Variants in EGFL6 observed in about 807,000 individuals in gnomAD.
EGFL6 encodes epidermal growth factor-like protein 6.
Under a neutral mutation model 43.1 loss-of-function variants are expected in EGFL6, and 42 were observed. That is an observed-to-expected ratio of 0.98 (90% CI 0.76 to 1.26). EGFL6 has a LOEUF of 1.26. Among genes scored for constraint, EGFL6 ranks in the 50% most tolerant of loss-of-function variants. The pLI, the probability that EGFL6 is intolerant of heterozygous loss-of-function variation, is 0.00. For synonymous variants in EGFL6, 164 were observed against 163.2 expected, an observed-to-expected ratio of 1.01 and a Z score of -0.04; for missense variants, 429 against 427.8, an observed-to-expected ratio of 1.00 and a Z score of -0.02.
At chrX:13,579,651 C>T (rs1432806349) in intron 1 of EGFL6, among the ~76,000 whole-genome samples, 1 of 111,423 alleles carries the variant, frequency 9.0e-6, no homozygotes, top group Non-Finnish European at 1.9e-5. Context: ...TCTGTTTTTA[C>T]TATTTACAAA....
Position 13,603,198 on chromosome X carries a change from T to C in EGFL6, c.401-119T>C, listed in dbSNP as rs1260998232. The C allele has an allele frequency of 7.0e-6, 6 of 854,394 alleles. No homozygotes were observed. The African/African-American group carries it at 1.0e-4, about 15-fold the overall frequency. 70.4% of individuals were successfully genotyped at this position (854,394 alleles called of 1,213,427 possible). A position where few individuals can be genotyped will look rare whatever the true frequency, so the allele number is the denominator to read the frequency against. ...CCATTTGGGACTCAGACAATGAAAC[T>C]TGTCCTATAATGCCATGCAACGTGT... is the stretch of plus-strand genomic sequence containing the variant. On this transcript the variant is annotated intron_variant, in intron 4 of 11. Transcript: ENST00000361306.
At chrX:13,620,008 G>A (rs1161951723) in intron 9 of EGFL6, among the ~76,000 whole-genome samples, 2 of 111,972 alleles carry the variant, frequency 1.8e-5, no homozygotes, top group African/African-American at 3.3e-5. Context: ...CATCACTTCT[G>A]CCATATTCCA....
chrX:13,608,478 A>G, intron 7 of EGFL6, 32 bp downstream of exon 7: 1 of 1,195,332 alleles, frequency 8.4e-7, no homozygotes, highest in Non-Finnish European at 1.1e-6. Context: ...TGTCTTAGCT[A>G]TTCCCAATGA....
intron 4 of EGFL6, among the ~76,000 whole-genome samples, chrX:13,601,538 C>T (rs962731162): frequency 2.7e-5 from 3 of 111,221 alleles, no homozygotes; most frequent in South Asian, 3.8e-4. Flanking sequence ...CCTGTGGTTG[C>T]GGAGTTGCAC....
chrX:13,604,187 A>T (rs755229025), intron 5 of EGFL6, among the ~76,000 whole-genome samples: 1 of 111,355 alleles, frequency 9.0e-6, no homozygotes, highest in African/African-American at 3.3e-5. Context: ...TTCATTCACT[A>T]AGGAATAAAA....
chrX:13,591,726 C>G lies in EGFL6; in HGVS notation c.187+2058C>G, dbSNP rs371341663. 6.3e-5 allele frequency among the ~76,000 whole-genome samples: 7 copies of G among 111,126 alleles called. No homozygotes were observed. The East Asian group carries it at 1.1e-3, about 18-fold the overall frequency. On this transcript the variant is annotated intron_variant, in intron 2 of 11. Coordinates refer to ENST00000361306, the MANE Select transcript of EGFL6 (RefSeq NM_015507.4). ...AGTCTACCCAGGCCTTCCCCTCTGT[C>G]CATCTATTTGCCCTTCACTCCTTTT...
At chrX:13,595,683 G>C (rs1307911571) in intron 3 of EGFL6, among the ~76,000 whole-genome samples, 2 of 110,744 alleles carry the variant, frequency 1.8e-5, no homozygotes, top group East Asian at 5.6e-4. Flanking sequence ...TGGAATTGTT[G>C]GGTTGAACAA....
chrX:13,607,805 C>T (rs1242948429), intron 6 of EGFL6, among the ~76,000 whole-genome samples: 2 of 112,160 alleles, frequency 1.8e-5, no homozygotes, highest in East Asian at 5.6e-4. Context: ...GCAAACAAAC[C>T]TCTCGCTTGG....
intron 5 of EGFL6, among the ~76,000 whole-genome samples, chrX:13,604,299 A>G (rs1210359989): frequency 1.8e-5 from 2 of 111,564 alleles, no homozygotes; most frequent in Admixed American, 1.9e-4. Flanking sequence ...AAAGGAAGGC[A>G]CCAGTGTTGG....
chrX:13,632,425 C>T (rs1004405060), intron 11 of EGFL6, among the ~76,000 whole-genome samples: 47 of 107,122 alleles, frequency 4.4e-4, no homozygotes, highest in Non-Finnish European at 4.4e-4. Flanking sequence ...CCTCAGCCTC[C>T]GAAGTAGCTG....
intron 7 of EGFL6, among the ~76,000 whole-genome samples, chrX:13,616,559 G>A (rs968556053): frequency 9.2e-6 from 1 of 108,979 alleles, no homozygotes; most frequent in African/African-American, 3.3e-5. Flanking sequence ...GCAGTGAGCC[G>A]AGATCATGCC....
At chrX:13,613,458 C>T (rs1044715624) in intron 7 of EGFL6, among the ~76,000 whole-genome samples, 3 of 110,401 alleles carry the variant, frequency 2.7e-5, no homozygotes, top group African/African-American at 9.9e-5. Context: ...GAGTAACAGT[C>T]AACTTAGGAA....
chrX:13,588,558 C>A (rs1489569351), intron 1 of EGFL6, among the ~76,000 whole-genome samples: 1 of 111,151 alleles, frequency 9.0e-6, no homozygotes, highest in Non-Finnish European at 1.9e-5. Flanking sequence ...TGAGCTTCAT[C>A]CATGGCGGCA....
At chrX:13,626,017 T>C (rs978037009) in intron 10 of EGFL6, among the ~76,000 whole-genome samples, 1 of 110,486 alleles carries the variant, frequency 9.1e-6, no homozygotes, top group African/African-American at 3.3e-5. Flanking sequence ...CCTTCCACAG[T>C]AGGTGACAGA....
At chrX:13,618,190 C>G in intron 8 of EGFL6, 137 bp downstream of exon 8, 1 of 575,623 alleles carries the variant, frequency 1.7e-6, no homozygotes, top group Non-Finnish European at 2.7e-6. Context: ...GCAACATTCT[C>G]TGTAATGTCT....
chrX:13,600,198 C>G (rs2045624312), intron 4 of EGFL6, 104 bp downstream of exon 4: 1 of 744,698 alleles, frequency 1.3e-6, no homozygotes, highest in Non-Finnish European at 1.8e-6. Context: ...TAAAAAATCT[C>G]TAATATTGCC....
intron 1 of EGFL6, among the ~76,000 whole-genome samples, chrX:13,578,614 T>C (rs2045487493): frequency 1.8e-5 from 2 of 110,309 alleles, no homozygotes; most frequent in Admixed American, 9.6e-5. Context: ...AAATGATGAG[T>C]TCATATCCTT....
chrX:13,578,841 A>G (rs1169533642), intron 1 of EGFL6, among the ~76,000 whole-genome samples: 1 of 110,461 alleles, frequency 9.1e-6, no homozygotes, highest in Admixed American at 9.5e-5. Flanking sequence ...TGACGAGTTA[A>G]TGGGTGCAGC....
chrX:13,597,581 T>C (rs1287699156), intron 3 of EGFL6, among the ~76,000 whole-genome samples: 3 of 111,529 alleles, frequency 2.7e-5, no homozygotes, highest in African/African-American at 6.5e-5. Context: ...GTCAAGAGTT[T>C]GAGACCAGCC....
Sources: allele counts gnomAD v4.1 joint callset (sites outside exome capture counted in the v4.1 genomes callset), GRCh38; gene constraint gnomAD v4.1.1; transcripts MANE v1.5; gene names NCBI Gene and HGNC (gene_info 2026-07-23, HGNC 2026-07-21).